Variants in IL1RAPL1 observed in about 807,000 individuals in gnomAD.
IL1RAPL1 encodes interleukin-1 receptor accessory protein-like 1.
In IL1RAPL1, 3 loss-of-function variants were observed where a neutral mutation model predicts 48.4. That is an observed-to-expected ratio of 0.06 (90% confidence interval 0.03 to 0.16). The LOEUF is 0.16. Ranked by LOEUF, IL1RAPL1 falls within the 10% of genes least tolerant of loss-of-function variation. The pLI is 1.00. For missense variants in IL1RAPL1, 349 were observed against 530.6 expected (o/e 0.66, Z 3.36); for synonymous variants, 185 against 187.7 (o/e 0.99, Z 0.12).
At chrX:29,770,771 G>A (rs5927195) in intron 6 of IL1RAPL1, among the ~76,000 whole-genome samples, 28,288 of 111,360 alleles carry the variant, frequency 0.25, 2,590 homozygotes, top group Admixed American at 0.37. Context: ...AACTTCACAT[G>A]CTATAGTAAT....
At chrX:29,549,058 A>T (rs1921720068) in intron 5 of IL1RAPL1, among the ~76,000 whole-genome samples, 1 of 111,935 alleles carries the variant, frequency 8.9e-6, no homozygotes, top group African/African-American at 3.2e-5. Context: ...ACTAGTAGTT[A>T]TTTATTTATG....
rs10635140 is a variant in IL1RAPL1 at position 29,695,597 on chromosome X, C to CGAGAGAGAGAGAGAGAGA, written c.778+27106_778+27123dup. ...ACTTTCCTTGGTGCTTGCAAGGTGG[C>CGAGAGAGAGAGAGAGAGA]GAGAGAGAGAGAGAGAGAGAGAGAG... On this transcript the variant is annotated intron_variant, in intron 6 of 10. Coordinates refer to ENST00000378993, the MANE Select transcript of IL1RAPL1 (RefSeq NM_014271.4). Among the ~76,000 whole-genome samples, 179 of 94,864 alleles carry CGAGAGAGAGAGAGAGAGA rather than the reference C, an allele frequency of 1.9e-3. 1 individual carries two copies. The highest frequency in any genetic ancestry group is 6.9e-3 in the African/African-American group (175 of 25,249). 82.4% of individuals were successfully genotyped at this position (94,864 alleles called of 115,157 possible).
chrX:29,449,776 C>CAGAGAG lies in IL1RAPL1; in HGVS notation c.703+50469_703+50470insGAGAGA, dbSNP rs773898620. Reference sequence around the variant, plus strand: ...ACACACACACACACACACACACACACACACAGAGAGAGAGAGAGAGAGAAT... The same window carrying CAGAGAG: ...ACACACACACACACACACACACACACAGAGAGACACAGAGAGAGAGAGAGAGAGAAT... On this transcript the variant is annotated intron_variant, in intron 5 of 10. Coordinates refer to ENST00000378993, the MANE Select transcript of IL1RAPL1 (RefSeq NM_014271.4). Among the ~76,000 whole-genome samples the CAGAGAG allele has an allele frequency of 7.4e-3, 332 of 44,915 alleles. 3 individuals are homozygous for CAGAGAG. Among genetic ancestry groups the CAGAGAG allele is most frequent in the African/African-American group, 0.035 (312 of 8,967 alleles). 39.0% of individuals were successfully genotyped at this position (44,915 alleles called of 115,157 possible).
intron 2 of IL1RAPL1, among the ~76,000 whole-genome samples, chrX:28,861,857 TTTAA>T (rs1443315837): frequency 9.1e-6 from 1 of 110,312 alleles, no homozygotes. Context: ...TTAGTATTTA[TTTAA>T]TTTTCTATTT....
chrX:29,888,062 T>C (rs894087558), intron 6 of IL1RAPL1, among the ~76,000 whole-genome samples: 2 of 111,897 alleles, frequency 1.8e-5, no homozygotes, highest in Non-Finnish European at 1.9e-5. Flanking sequence ...TAGTTTTTTC[T>C]TGTATTTGTC....
chrX:29,103,496 A>C (rs1279847443), intron 2 of IL1RAPL1, among the ~76,000 whole-genome samples: 1 of 109,203 alleles, frequency 9.2e-6, no homozygotes, highest in African/African-American at 3.6e-5. Flanking sequence ...ACTTAAGTCT[A>C]AGACCTGAAA....
At chrX:28,648,729 T>A (rs952775169) in intron 1 of IL1RAPL1, among the ~76,000 whole-genome samples, 4 of 111,846 alleles carry the variant, frequency 3.6e-5, no homozygotes, top group African/African-American at 1.3e-4. Flanking sequence ...AGACAGGATT[T>A]CAAAAAATTG....
intron 2 of IL1RAPL1, among the ~76,000 whole-genome samples, chrX:29,077,649 A>G (rs1308379719): frequency 9.0e-6 from 1 of 110,818 alleles, no homozygotes; most frequent in Non-Finnish European, 1.9e-5. Context: ...AACCTACCAA[A>G]TAAGTGGAGA....
chrX:29,253,757 G>A (rs1005910267), intron 2 of IL1RAPL1, among the ~76,000 whole-genome samples: 1 of 111,036 alleles, frequency 9.0e-6, no homozygotes, highest in Non-Finnish European at 1.9e-5. Flanking sequence ...GGTGGACCCT[G>A]TCAGGAGACC....
chrX:29,364,862 A>G, intron 3 of IL1RAPL1, among the ~76,000 whole-genome samples: 1 of 111,275 alleles, frequency 9.0e-6, no homozygotes, highest in East Asian at 2.8e-4. Context: ...CCAATTCCCC[A>G]CAGATAACAG....
intron 6 of IL1RAPL1, among the ~76,000 whole-genome samples, chrX:29,782,231 A>T (rs1569167135): frequency 9.0e-6 from 1 of 110,899 alleles, no homozygotes; most frequent in Admixed American, 9.6e-5. Context: ...TACACTTTTA[A>T]AAAATGGACC....
chrX:29,335,267 CGGAGACG>C (rs1932972787), intron 3 of IL1RAPL1, among the ~76,000 whole-genome samples: 1 of 21,849 alleles, frequency 4.6e-5, no homozygotes, highest in Non-Finnish European at 8.7e-5. Flanking sequence ...GAGACGGAGA[CGGAGACG>C]GAGAGGGGAG....
At chrX:28,952,497 A>C (rs1252220593) in intron 2 of IL1RAPL1, among the ~76,000 whole-genome samples, 1 of 111,829 alleles carries the variant, frequency 8.9e-6, no homozygotes, top group Non-Finnish European at 1.9e-5. Context: ...GCCTTCTGCC[A>C]TTAGCAAAAA....
intron 2 of IL1RAPL1, among the ~76,000 whole-genome samples, chrX:28,861,579 C>G (rs933405642): frequency 9.0e-6 from 1 of 111,608 alleles, no homozygotes; most frequent in Non-Finnish European, 1.9e-5. Context: ...GCAGTGGACT[C>G]TAAAATGAAA....
chrX:29,491,073 G>A (rs1309594851), intron 5 of IL1RAPL1, among the ~76,000 whole-genome samples: 1 of 111,355 alleles, frequency 9.0e-6, no homozygotes, highest in African/African-American at 3.3e-5. Flanking sequence ...TTGAAAACAT[G>A]ATGCTTTCAA....
chrX:29,514,217 A>C (rs1368846788), intron 5 of IL1RAPL1, among the ~76,000 whole-genome samples: 1 of 111,891 alleles, frequency 8.9e-6, no homozygotes, highest in East Asian at 2.8e-4. Context: ...AAAGTTAGAT[A>C]GAAACAGCCT....
At chrX:28,833,762 T>G (rs1921133023) in intron 2 of IL1RAPL1, among the ~76,000 whole-genome samples, 1 of 112,150 alleles carries the variant, frequency 8.9e-6, no homozygotes, top group Admixed American at 9.5e-5. Context: ...AGCAGATGAA[T>G]GGACATAAAA....
intron 6 of IL1RAPL1, among the ~76,000 whole-genome samples, chrX:29,732,846 G>GC (rs1927956110): frequency 8.9e-6 from 1 of 112,109 alleles, no homozygotes; most frequent in African/African-American, 3.2e-5. Context: ...TGCAATGGTT[G>GC]CCAGAACTCT....
intron 1 of IL1RAPL1, among the ~76,000 whole-genome samples, chrX:28,775,622 C>T (rs1171908159): frequency 1.8e-5 from 2 of 112,814 alleles, no homozygotes; most frequent in African/African-American, 6.4e-5. Context: ...CCTTAAACTA[C>T]AAATGGCTTT....
Sources: gnomAD v4.1 joint callset for allele counts (sites outside exome capture counted in the v4.1 genomes callset) on GRCh38, gnomAD v4.1.1 for gene constraint, MANE v1.5 for transcripts, NCBI Gene and HGNC (gene_info 2026-07-23, HGNC 2026-07-21) for gene names.